Variants in FOXJ3 observed in about 807,000 individuals in gnomAD.
FOXJ3 encodes forkhead box J3.
In FOXJ3, 22 loss-of-function variants were observed where a neutral mutation model predicts 76.1. The observed-to-expected ratio is 0.29, with a 90% CI of 0.21 to 0.41. The LOEUF is 0.41. Among genes scored for constraint, FOXJ3 ranks in the 10% least tolerant of loss-of-function variants. The pLI is 1.00. For missense variants in FOXJ3, 613 were observed against 762.1 expected, an observed-to-expected ratio of 0.80 and a Z score of 2.30; for synonymous variants, 269 against 261.2, an observed-to-expected ratio of 1.03 and a Z score of -0.29.
At chr1:42,209,844 C>T (rs1436509916) in intron 5 of FOXJ3, among the ~76,000 whole-genome samples, 1 of 152,194 alleles carries the variant, frequency 6.6e-6, no homozygotes, top group Non-Finnish European at 1.5e-5. Flanking sequence ...GTGATATAAT[C>T]TTGAGTGCAG....
intron 5 of FOXJ3, among the ~76,000 whole-genome samples, chr1:42,220,412 G>T (rs1011849071): frequency 1.3e-5 from 2 of 152,094 alleles, no homozygotes; most frequent in Non-Finnish European, 1.5e-5. Context: ...CAAAAACAAA[G>T]GGTCTGAAAA....
chr1:42,239,553 C>T (rs1022185617), intron 4 of FOXJ3, among the ~76,000 whole-genome samples: 1 of 152,114 alleles, frequency 6.6e-6, no homozygotes, highest in African/African-American at 2.4e-5. Flanking sequence ...AAATGGACAA[C>T]ATCTTTTGAA....
chr1:42,249,556 C>T (rs999849045), intron 4 of FOXJ3, among the ~76,000 whole-genome samples: 1 of 152,176 alleles, frequency 6.6e-6, no homozygotes, highest in African/African-American at 2.4e-5. Flanking sequence ...CATTCAAAGA[C>T]CAATCTTAAA....
intron 2 of FOXJ3, among the ~76,000 whole-genome samples, chr1:42,299,205 T>C (rs1036972697): frequency 1.3e-5 from 2 of 152,226 alleles, no homozygotes; most frequent in Non-Finnish European, 2.9e-5. Context: ...GTGATGTCAG[T>C]GAGGTGTTGA....
intron 6 of FOXJ3, 137 bp from the exon 7 acceptor site, chr1:42,199,367 A>G (rs937913307): frequency 5.1e-5 from 31 of 610,712 alleles, no homozygotes; most frequent in African/African-American, 4.9e-4. Flanking sequence ...CCCCAATTCC[A>G]TGCCCCATAT....
At chr1:42,260,645 CAAAAGGGCAAGATCCTGTCTCAAAAG>C (rs1259957049) in intron 4 of FOXJ3, among the ~76,000 whole-genome samples, 1 of 151,856 alleles carries the variant, frequency 6.6e-6, no homozygotes, top group African/African-American at 2.4e-5. Flanking sequence ...CTGCACTGGG[CAAAAGGGCAAGATCCTGTCTCAAAAG>C]AAATTTTTAA....
chr1:42,239,956 T>C (rs1003086465), intron 4 of FOXJ3, among the ~76,000 whole-genome samples: 2 of 152,236 alleles, frequency 1.3e-5, no homozygotes, highest in African/African-American at 4.8e-5. Flanking sequence ...ACAATAATTA[T>C]ATAAAAGTTG....
At chr1:42,264,858 C>A in intron 4 of FOXJ3, 2 of 359,302 alleles carry the variant, frequency 5.6e-6, no homozygotes, top group South Asian at 4.6e-5. Context: ...GCTCAATCAC[C>A]AAATTTAATT....
intron 4 of FOXJ3, among the ~76,000 whole-genome samples, chr1:42,239,633 T>A (rs1000184202): frequency 6.6e-6 from 1 of 152,186 alleles, no homozygotes; most frequent in African/African-American, 2.4e-5. Flanking sequence ...AAACACTGAT[T>A]CCAGATTTCA....
intron 6 of FOXJ3, among the ~76,000 whole-genome samples, chr1:42,205,514 A>G (rs1646843834): frequency 6.6e-6 from 1 of 152,186 alleles, no homozygotes; most frequent in South Asian, 2.1e-4. Context: ...GAACTGTGAG[A>G]GCCAAGAATT....
intron 5 of FOXJ3, among the ~76,000 whole-genome samples, chr1:42,217,885 T>TA (rs1303167193): frequency 6.6e-6 from 1 of 152,142 alleles, no homozygotes; most frequent in Non-Finnish European, 1.5e-5. Context: ...AATAGTGTTG[T>TA]AAAAAAACAA....
At chr1:42,222,051 GA>G (rs1647220732) in intron 5 of FOXJ3, among the ~76,000 whole-genome samples, 3 of 88,866 alleles carry the variant, frequency 3.4e-5, no homozygotes, top group Admixed American at 2.2e-4. Flanking sequence ...AGAAGGAGAA[GA>G]AGAAGAAGAA....
At chr1:42,276,981 G>C (rs1189316209) in intron 3 of FOXJ3, among the ~76,000 whole-genome samples, 4 of 152,134 alleles carry the variant, frequency 2.6e-5, no homozygotes, top group African/African-American at 9.7e-5. Flanking sequence ...AACGCGCTGA[G>C]ATTACAGGCG....
chr1:42,257,660 GC>G (rs1305482746), intron 4 of FOXJ3, among the ~76,000 whole-genome samples: 4 of 151,328 alleles, frequency 2.6e-5, no homozygotes, highest in Non-Finnish European at 5.9e-5. Flanking sequence ...AATCATTTGA[GC>G]CTGGGAGGCA....
intron 2 of FOXJ3, among the ~76,000 whole-genome samples, chr1:42,303,315 T>C (rs567215166): frequency 6.2e-4 from 95 of 152,352 alleles, no homozygotes; most frequent in African/African-American, 2.0e-3. Flanking sequence ...CCTCATAGAA[T>C]TGTTGGGGGA....
intron 2 of FOXJ3, among the ~76,000 whole-genome samples, chr1:42,287,059 G>A (rs1653101031): frequency 6.6e-6 from 1 of 152,002 alleles, no homozygotes; most frequent in African/African-American, 2.4e-5. Context: ...GAAAAAGTTG[G>A]CTGGGATGCG....
chr1:42,276,699 T>G (rs897025188), intron 3 of FOXJ3, among the ~76,000 whole-genome samples: 1 of 152,206 alleles, frequency 6.6e-6, no homozygotes, highest in Non-Finnish European at 1.5e-5. Flanking sequence ...AACATATTAT[T>G]ATTTACAAAG....
At chr1:42,321,437 T>A (rs569967841) in intron 1 of FOXJ3, among the ~76,000 whole-genome samples, 5 of 152,288 alleles carry the variant, frequency 3.3e-5, no homozygotes, top group Admixed American at 6.5e-5. Flanking sequence ...CTGAATGGAC[T>A]GTTTCTAAGA....
chr1:42,295,970 G>A lies in FOXJ3; in HGVS notation c.44+15080C>T, dbSNP rs139105740. 7.9e-5 allele frequency among the ~76,000 whole-genome samples: 12 copies of A among 152,340 alleles called. No individual in the cohort carries two copies. The East Asian group carries it at 2.1e-3, about 27-fold the overall frequency. On this transcript the variant is annotated intron_variant, in intron 2 of 12. Coordinates refer to ENST00000361346, the MANE Select transcript of FOXJ3 (RefSeq NM_014947.5). ...CAGAGGTTGAACATTCCCGTCAGCA[G>A]TGCGTAAGCACTGCCTTTTCTCCAC...
Sources: gnomAD v4.1 joint callset for allele counts (sites outside exome capture counted in the v4.1 genomes callset) on GRCh38, gnomAD v4.1.1 for gene constraint, MANE v1.5 for transcripts, NCBI Gene and HGNC (gene_info 2026-07-23, HGNC 2026-07-21) for gene names.